PTBP3: variants seen among roughly 807,000 people sequenced by gnomAD.
The protein encoded by PTBP3 is polypyrimidine tract binding protein 3, also known as polypyrimidine tract-binding protein 3.
Under a neutral mutation model 58.7 loss-of-function variants are expected in PTBP3, and 20 were observed. That is an observed-to-expected ratio of 0.34 (90% confidence interval 0.24 to 0.50). The LOEUF (loss-of-function observed/expected upper bound fraction) is 0.50, where lower values mean the gene tolerates loss of function less well. Among genes scored for constraint, PTBP3 ranks in the 20% least tolerant of loss-of-function variants. The pLI is 0.98. For synonymous variants in PTBP3, 185 were observed against 219.8 expected (o/e 0.84, Z 1.40); for missense variants, 509 against 637.2 (o/e 0.80, Z 2.17).
chr9:112,262,098 C>A (rs905595756), intron 5 of PTBP3, among the ~76,000 whole-genome samples: 3 of 151,974 alleles, frequency 2.0e-5, no homozygotes, highest in African/African-American at 7.3e-5. Context: ...AAGAAGCTGT[C>A]CAGAAATAAA....
intron 2 of PTBP3, among the ~76,000 whole-genome samples, chr9:112,290,737 C>CACAA (rs1455955448): frequency 6.8e-6 from 1 of 146,918 alleles, no homozygotes; most frequent in Non-Finnish European, 1.5e-5. Flanking sequence ...CACACACACA[C>CACAA]AATCAAGTGT....
At position 112,218,871 on chromosome 9, in the gene PTBP3, C is replaced by T. The variant is rs374386603; in HGVS notation, c.*4980G>A. ...ATTTACAGCATTTTCTTCTGTTAGACGAACATTCTTAAAAACTGAAAAGGG... is the reference window on the plus strand; with the variant it reads ...ATTTACAGCATTTTCTTCTGTTAGATGAACATTCTTAAAAACTGAAAAGGG... On this transcript the variant is annotated 3_prime_UTR_variant, in exon 14 of 14. Transcript: ENST00000374257. 2.0e-5 allele frequency: 3 copies of T among 152,410 alleles called. No homozygotes were observed. In the East Asian group the frequency reaches 5.8e-4, roughly 29 times the overall value. The allele number at this position is 152,410 out of a possible 1,614,324, so 9.4% of individuals were successfully genotyped here.
intron 1 of PTBP3, among the ~76,000 whole-genome samples, chr9:112,306,173 CTTTTT>C (rs745743404): frequency 6.6e-6 from 1 of 151,112 alleles, no homozygotes; most frequent in Non-Finnish European, 1.5e-5. Context: ...ATTTTTTAAA[CTTTTT>C]TTTTGAGACA....
the PTBP3 span, among the ~76,000 whole-genome samples, chr9:112,376,908 T>A: frequency 6.6e-6 from 1 of 152,174 alleles, no homozygotes; most frequent in Non-Finnish European, 1.5e-5. Flanking sequence ...AAGTTGACAC[T>A]CAGTATTAAC....
At chr9:112,256,314 TC>T in intron 5 of PTBP3, among the ~76,000 whole-genome samples, 1 of 144,104 alleles carries the variant, frequency 6.9e-6, no homozygotes, top group Admixed American at 7.1e-5. Flanking sequence ...TATATATTTA[TC>T]TATCTTGCTG....
chr9:112,297,888 C>T lies in PTBP3; in HGVS notation c.-23G>A. ...CATGGTAAAAGGTCCGTTAATGATG[C>T]CAGAAGAAAGAAGCTCATCAGATCC... is the stretch of plus-strand genomic sequence containing the variant. On this transcript the variant is annotated 5_prime_UTR_variant, in exon 2 of 14. Transcript: ENST00000374257. The T allele has an allele frequency of 1.2e-6, 2 of 1,612,162 alleles. No individual in the cohort carries two copies. Among genetic ancestry groups the T allele is most frequent in the Non-Finnish European group, 8.5e-7 (1 of 1,179,354 alleles).
At chr9:112,338,883 C>G in the PTBP3 span, among the ~76,000 whole-genome samples, 1 of 152,196 alleles carries the variant, frequency 6.6e-6, no homozygotes, top group Non-Finnish European at 1.5e-5. Flanking sequence ...GGACTCATGT[C>G]TATGCTGAAG....
intron 4 of PTBP3, among the ~76,000 whole-genome samples, chr9:112,262,932 G>A (rs1836658284): frequency 6.6e-6 from 1 of 152,124 alleles, no homozygotes; most frequent in Non-Finnish European, 1.5e-5. Context: ...AAAGACTATG[G>A]CATGGGATGT....
chr9:112,350,418 A>G, the PTBP3 span, among the ~76,000 whole-genome samples: 1 of 152,222 alleles, frequency 6.6e-6, no homozygotes, highest in South Asian at 2.1e-4. Flanking sequence ...AGATTTATGG[A>G]AACATTGTGA....
At chr9:112,227,116 G>A (rs1052499379) in intron 12 of PTBP3, among the ~76,000 whole-genome samples, 3 of 152,164 alleles carry the variant, frequency 2.0e-5, no homozygotes, top group South Asian at 2.1e-4. Flanking sequence ...GGACAAATAC[G>A]TGCCAATGGA....
At chr9:112,244,697 A>G (rs1835810395) in intron 7 of PTBP3, among the ~76,000 whole-genome samples, 1 of 152,090 alleles carries the variant, frequency 6.6e-6, no homozygotes, top group South Asian at 2.1e-4. Context: ...AAAAATAAAA[A>G]AAGTCCAAAT....
chr9:112,246,692 C>CAA (rs1264620462), intron 7 of PTBP3, among the ~76,000 whole-genome samples: 2 of 107,206 alleles, frequency 1.9e-5, no homozygotes, highest in Non-Finnish European at 4.0e-5. Context: ...GACTCTGTCT[C>CAA]AAAAAAAAAA....
rs79889274 is a variant in PTBP3 at position 112,226,638 on chromosome 9, G to A, written c.1364+773C>T. Among the ~76,000 whole-genome samples the A allele has an allele frequency of 5.3e-4, 81 of 152,270 alleles. No individual in the cohort carries two copies. In the East Asian group the frequency reaches 0.014, roughly 27 times the overall value. On this transcript the variant is annotated intron_variant, in intron 12 of 13. Transcript: ENST00000374257. Reference sequence around the variant, plus strand: ...AAAGGGCCAGACAGTAAATATCTTAGGCTGTATGGGCCATATTGTCTCTGC... The same window carrying A: ...AAAGGGCCAGACAGTAAATATCTTAAGCTGTATGGGCCATATTGTCTCTGC...
At chr9:112,318,899 G>A (rs374550298) in intron 1 of PTBP3, among the ~76,000 whole-genome samples, 11 of 151,872 alleles carry the variant, frequency 7.2e-5, no homozygotes, top group African/African-American at 1.7e-4. Context: ...AGGCCAAGGC[G>A]GGCAGATCAC....
At chr9:112,269,196 CAAAAAA>C (rs5899997) in intron 3 of PTBP3, among the ~76,000 whole-genome samples, 27 of 91,276 alleles carry the variant, frequency 3.0e-4, no homozygotes, top group African/African-American at 1.1e-3. Context: ...AACTCTGTCT[CAAAAAA>C]AAAAAAAAAA....
At chr9:112,326,312 A>C (rs1189244392) in intron 1 of PTBP3, among the ~76,000 whole-genome samples, 2 of 152,354 alleles carry the variant, frequency 1.3e-5, no homozygotes, top group African/African-American at 4.8e-5. Context: ...CGTTTTCTGT[A>C]AAGGGCCAGA....
the PTBP3 span, among the ~76,000 whole-genome samples, chr9:112,348,043 C>T: frequency 6.6e-6 from 1 of 152,238 alleles, no homozygotes; most frequent in Non-Finnish European, 1.5e-5. Context: ...CTCAGCACCA[C>T]TGACATTTTT....
intron 12 of PTBP3, among the ~76,000 whole-genome samples, chr9:112,227,078 G>A (rs368843039): frequency 1.3e-5 from 2 of 152,126 alleles, no homozygotes; most frequent in East Asian, 1.9e-4. Flanking sequence ...ATTGGTTAAC[G>A]TAAGAGTCAT....
chr9:112,235,310 T>A (rs10817295), intron 7 of PTBP3, among the ~76,000 whole-genome samples: 84,325 of 152,030 alleles, frequency 0.55, 25,061 homozygotes, highest in African/African-American at 0.79. Context: ...TATAGGAGAT[T>A]CATGATGAGG....
Sources: allele counts gnomAD v4.1 joint callset (sites outside exome capture counted in the v4.1 genomes callset), GRCh38; gene constraint gnomAD v4.1.1; transcripts MANE v1.5; gene names NCBI Gene and HGNC (gene_info 2026-07-23, HGNC 2026-07-21).